The following CD3E variants were observed in gnomAD, a reference collection of about 807,000 sequenced individuals.
CD3E encodes the protein T-cell surface glycoprotein CD3 epsilon chain.
Under a neutral mutation model 34.7 loss-of-function variants are expected in CD3E, and 16 were observed. The ratio of observed to expected loss-of-function variants is 0.46; its 90% CI spans 0.31 to 0.70. The LOEUF (loss-of-function observed/expected upper bound fraction) is 0.70. CD3E is among the 30% of genes least tolerant of loss of function. The probability of loss-of-function intolerance (pLI) is 0.05; values close to 1 mark genes in which losing one functional copy is unlikely to be tolerated. For synonymous variants in CD3E, 70 were observed against 90.8 expected (o/e 0.77, Z 1.30); for missense variants, 223 against 253.9 (o/e 0.88, Z 0.83).
intron 6 of CD3E, 111 bp downstream of exon 6, chr11:118,312,977 G>T (rs767770839): frequency 8.3e-7 from 1 of 1,211,374 alleles, no homozygotes; most frequent in Admixed American, 1.7e-5. Flanking sequence ...GCGTCTTTGC[G>T]CTTCCTCCCA....
intron 4 of CD3E, among the ~76,000 whole-genome samples, chr11:118,310,745 CTTTA>C (rs1233969064): frequency 1.3e-5 from 2 of 152,088 alleles, no homozygotes; most frequent in Non-Finnish European, 2.9e-5. Context: ...TGTCTATGTA[CTTTA>C]TTTATGATTT....
rs1948148242 is a variant in CD3E at position 118,313,612 on chromosome 11, G to A, written c.353-95G>A. The A allele has an allele frequency of 3.4e-6, 4 of 1,161,216 alleles. No homozygotes were observed. In the South Asian group the frequency reaches 5.0e-5, roughly 14 times the overall value. 71.9% of individuals were successfully genotyped at this position (1,161,216 alleles called of 1,614,324 possible). On this transcript the variant is annotated intron_variant, in intron 6 of 8. Transcript: ENST00000361763. ...ACCGTGGCAAGCGTGTGAGTAGTAA[G>A]GGGAGAATGGCCTTCATGCACTCCC...
chr11:118,313,053 C>A (rs1948145215), intron 6 of CD3E, 187 bp downstream of exon 6: 1 of 703,302 alleles, frequency 1.4e-6, no homozygotes. Flanking sequence ...GATTAAACAC[C>A]AATATGAGGC....
At chr11:118,307,489 G>A (rs1277435412) in intron 3 of CD3E, among the ~76,000 whole-genome samples, 181 bp downstream of exon 3, 2 of 152,182 alleles carry the variant, frequency 1.3e-5, no homozygotes, top group African/African-American at 2.4e-5. Flanking sequence ...CCAGAAGAGG[G>A]AAGCAACAGA....
intron 6 of CD3E, 62 bp from the exon 7 acceptor site, chr11:118,313,645 C>A: frequency 6.5e-7 from 1 of 1,534,108 alleles, no homozygotes. Flanking sequence ...CCCTCCTCAC[C>A]TCCAGCGCCT....
chr11:118,308,600 G>A (rs1948120174), intron 4 of CD3E, among the ~76,000 whole-genome samples, 159 bp downstream of exon 4: 1 of 152,150 alleles, frequency 6.6e-6, no homozygotes, highest in Non-Finnish European at 1.5e-5. Context: ...TGTATTTGTT[G>A]CTAGCTGTCA....
At chr11:118,306,940 C>A (rs368885371) in intron 2 of CD3E, among the ~76,000 whole-genome samples, 1 of 152,194 alleles carries the variant, frequency 6.6e-6, no homozygotes, top group Non-Finnish European at 1.5e-5. Flanking sequence ...TCCACAGACA[C>A]CAATGTTCAA....
At chr11:118,312,412 C>A in intron 5 of CD3E, 1 of 713,392 alleles carries the variant, frequency 1.4e-6, no homozygotes, top group East Asian at 2.8e-5. Context: ...AAAAGGTTCT[C>A]TAGTTCCCTT....
intron 2 of CD3E, 133 bp downstream of exon 2, chr11:118,305,134 G>T: frequency 1.1e-6 from 1 of 907,526 alleles, no homozygotes; most frequent in Non-Finnish European, 1.8e-6. Context: ...CTATGTTAGG[G>T]TGAGGGATTA....
chr11:118,307,226 G>A, intron 2 of CD3E, 62 bp from the exon 3 acceptor site: 1 of 1,340,878 alleles, frequency 7.5e-7, no homozygotes, highest in Non-Finnish European at 1.1e-6. Flanking sequence ...CCCTTTTTCT[G>A]TTTAGGAATG....
At chr11:118,314,629 A>G (rs1948155542) in intron 8 of CD3E, 135 bp downstream of exon 8, 5 of 765,972 alleles carry the variant, frequency 6.5e-6, no homozygotes, top group Non-Finnish European at 9.0e-6. Context: ...ACAACCCTCT[A>G]TGTGCCACCT....
In CD3E at chr11:118,314,393, G is replaced by A. The variant is rs1948153573; in HGVS notation, c.521-55G>A. ...TCTGGGTCTCACTGGCACAGACAGT[G>A]CTGCAAGATTGGTTCCCTCATGGGA... On this transcript the variant is annotated intron_variant, in intron 7 of 8. Coordinates refer to ENST00000361763, the MANE Select transcript of CD3E (RefSeq NM_000733.4). 2.2e-5 allele frequency: 33 copies of A among 1,482,314 alleles called. No homozygotes were observed. In the South Asian group the frequency reaches 3.2e-4, roughly 14 times the overall value. 91.8% of individuals were successfully genotyped at this position (1,482,314 alleles called of 1,614,324 possible).
At chr11:118,313,344 A>T in intron 6 of CD3E, 1 of 379,318 alleles carries the variant, frequency 2.6e-6, no homozygotes, top group Non-Finnish European at 5.0e-6. Context: ...AACACTTATC[A>T]AGGATTCTTT....
At chr11:118,307,457 C>T (rs561482373) in intron 3 of CD3E, 149 bp downstream of exon 3, 143 of 684,546 alleles carry the variant, frequency 2.1e-4, no homozygotes, top group Non-Finnish European at 3.0e-4. Flanking sequence ...ACTTTCCTCA[C>T]AAGTCTGGAG....
At chr11:118,308,512 C>A in intron 4 of CD3E, 71 bp downstream of exon 4, 1 of 965,348 alleles carries the variant, frequency 1.0e-6, no homozygotes, top group Non-Finnish European at 1.7e-6. Flanking sequence ...AGTACAATCA[C>A]AGTAACAAAC....
At chr11:118,312,953 C>A in intron 6 of CD3E, 87 bp downstream of exon 6, 1 of 1,489,138 alleles carries the variant, frequency 6.7e-7, no homozygotes, top group South Asian at 1.1e-5. Context: ...CCTAACCCAG[C>A]TCACAGTGCC....
Position 118,305,010 on chromosome 11 carries a change from G to C in CD3E, c.49+9G>C. ...CCTCTGCCTCTTATCAGGTGAGTAG[G>C]ATGGAGTGGAAAGGGTGGTGTGTCT... On this transcript the variant is annotated intron_variant, in intron 2 of 8. Coordinates refer to ENST00000361763, the MANE Select transcript of CD3E (RefSeq NM_000733.4). 1 of 1,613,514 alleles carries C rather than the reference G, an allele frequency of 6.2e-7. No individual in the cohort carries two copies. Among genetic ancestry groups the C allele is most frequent in the African/African-American group, 1.3e-5 (1 of 75,050 alleles).
At chr11:118,314,136 G>A (rs921926586) in intron 7 of CD3E, among the ~76,000 whole-genome samples, 2 of 152,308 alleles carry the variant, frequency 1.3e-5, no homozygotes, top group African/African-American at 4.8e-5. Flanking sequence ...GCAGTCATCC[G>A]ATTCCGCCCC....
In CD3E at chr11:118,305,134, GTGAGGGATTAGAGC is replaced by G. The variant is rs551587546; in HGVS notation, c.49+136_49+149del. 74 of 907,528 alleles carry G rather than the reference GTGAGGGATTAGAGC, an allele frequency of 8.2e-5. No homozygotes were observed. In the African/African-American group the frequency reaches 1.2e-3, roughly 15 times the overall value. 56.2% of individuals were successfully genotyped at this position (907,528 alleles called of 1,614,324 possible). ...AAGGAACTGTTTGTGCTATGTTAGG[GTGAGGGATTAGAGC>G]TGGGGACTAAAGAAAAAGATAGGCC... On this transcript the variant is annotated intron_variant, in intron 2 of 8. Coordinates refer to ENST00000361763, the MANE Select transcript of CD3E (RefSeq NM_000733.4).
Sources: allele counts gnomAD v4.1 joint callset (sites outside exome capture counted in the v4.1 genomes callset), GRCh38; gene constraint gnomAD v4.1.1; transcripts MANE v1.5; gene names NCBI Gene and HGNC (gene_info 2026-07-23, HGNC 2026-07-21).